Variants in PTPRD observed in about 807,000 individuals in gnomAD.
The protein encoded by PTPRD is protein tyrosine phosphatase receptor type D.
In PTPRD, 34 loss-of-function variants were observed where a neutral mutation model predicts 214.5. That is an observed-to-expected ratio of 0.16 (90% CI 0.12 to 0.21). PTPRD has a LOEUF of 0.21. PTPRD is among the 10% of genes least tolerant of loss of function. The pLI, the probability that PTPRD is intolerant of heterozygous loss-of-function variation, is 1.00. For missense variants in PTPRD, 2,545 were observed against 2,398.7 expected (o/e 1.06, Z -1.27); for synonymous variants, 1,128 against 845.7 (o/e 1.33, Z -5.79).
chr9:8,964,190 G>GTTTT (rs1334290420), intron 11 of PTPRD, among the ~76,000 whole-genome samples: 3,570 of 51,732 alleles, frequency 0.069, 621 homozygotes, highest in Middle Eastern at 0.095. Flanking sequence ...GTTCAGGGCT[G>GTTTT]TGTTTTTTTT....
chr9:9,050,134 A>T (rs537102759), intron 10 of PTPRD, among the ~76,000 whole-genome samples: 1 of 152,338 alleles, frequency 6.6e-6, no homozygotes, highest in South Asian at 2.1e-4. Context: ...CTTATCTCCA[A>T]AGGCTATAAA....
At chr9:9,319,200 C>G (rs1056509723) in intron 9 of PTPRD, among the ~76,000 whole-genome samples, 12 of 152,174 alleles carry the variant, frequency 7.9e-5, no homozygotes, top group African/African-American at 2.4e-4. Context: ...TGAATGCTGC[C>G]TTTCTTCCTT....
chr9:9,051,194 C>G (rs1272144117), intron 10 of PTPRD, among the ~76,000 whole-genome samples: 1 of 151,292 alleles, frequency 6.6e-6, no homozygotes, highest in African/African-American at 2.4e-5. Flanking sequence ...TCATGTACAC[C>G]ACAAATATTT....
At chr9:9,539,804 A>G (rs1472954587) in intron 8 of PTPRD, among the ~76,000 whole-genome samples, 1 of 151,890 alleles carries the variant, frequency 6.6e-6, no homozygotes. Context: ...ATTTCCAGTT[A>G]GCTAAACTCT....
At position 10,554,911 on chromosome 9, in the gene PTPRD, G is replaced by T. The variant is rs1024244321; in HGVS notation, c.-600+57487C>A. On this transcript the variant is annotated intron_variant, in intron 2 of 45. Transcript: ENST00000381196. ...TCCTGACCTCGTGATCCGCCCACCT[G>T]GGCCTCCCAAAGTGCTGGGATTACA... 2.0e-5 allele frequency among the ~76,000 whole-genome samples: 3 copies of T among 152,088 alleles called. No homozygotes were observed. The East Asian group carries it at 5.8e-4, about 30-fold the overall frequency.
intron 3 of PTPRD, among the ~76,000 whole-genome samples, chr9:10,280,177 C>T (rs1204207589): frequency 6.6e-6 from 1 of 151,952 alleles, no homozygotes; most frequent in African/African-American, 2.4e-5. Context: ...TTTTTGTTTA[C>T]CATTGTCTCC....
chr9:9,508,326 C>T (rs899093007), intron 8 of PTPRD, among the ~76,000 whole-genome samples: 5 of 151,408 alleles, frequency 3.3e-5, no homozygotes, highest in African/African-American at 1.2e-4. Flanking sequence ...CAGGAGGTAA[C>T]ACAATTCTTT....
At chr9:10,481,099 A>G (rs1231915019) in intron 2 of PTPRD, among the ~76,000 whole-genome samples, 5 of 151,700 alleles carry the variant, frequency 3.3e-5, no homozygotes, top group Non-Finnish European at 2.9e-5. Context: ...CCTGCTCAAG[A>G]AAAAAAAGGA....
intron 14 of PTPRD, among the ~76,000 whole-genome samples, chr9:8,535,843 T>C (rs1011986469): frequency 6.6e-6 from 1 of 151,978 alleles, no homozygotes; most frequent in Admixed American, 6.6e-5. Context: ...CCATTAATTG[T>C]TCAGCTCTGG....
intron 39 of PTPRD, among the ~76,000 whole-genome samples, chr9:8,375,349 A>T (rs1044585359): frequency 1.3e-5 from 2 of 152,024 alleles, no homozygotes; most frequent in Non-Finnish European, 2.9e-5. Flanking sequence ...AATACAACTT[A>T]TTACCTTTGA....
At chr9:9,114,498 G>A (rs2099810302) in intron 10 of PTPRD, among the ~76,000 whole-genome samples, 2 of 152,084 alleles carry the variant, frequency 1.3e-5, no homozygotes, top group Admixed American at 6.6e-5. Context: ...AGGGAGGTAA[G>A]CTGATTTCAT....
At chr9:8,352,493 G>A (rs979280933) in intron 39 of PTPRD, among the ~76,000 whole-genome samples, 1 of 152,136 alleles carries the variant, frequency 6.6e-6, no homozygotes, top group African/African-American at 2.4e-5. Context: ...CTTTTTGAAA[G>A]AGGAGACAAC....
At chr9:8,448,386 A>G (rs1267109079) in intron 34 of PTPRD, among the ~76,000 whole-genome samples, 1 of 152,162 alleles carries the variant, frequency 6.6e-6, no homozygotes, top group African/African-American at 2.4e-5. Flanking sequence ...TATAGGCTGA[A>G]GTAGTTAGTA....
intron 14 of PTPRD, among the ~76,000 whole-genome samples, chr9:8,575,511 T>C (rs966332434): frequency 4.6e-5 from 7 of 152,144 alleles, no homozygotes; most frequent in African/African-American, 1.7e-4. Flanking sequence ...CTAGTAAGTA[T>C]CCTTCGTTAC....
intron 9 of PTPRD, among the ~76,000 whole-genome samples, chr9:9,216,980 G>A (rs10816064): frequency 0.17 from 25,759 of 151,552 alleles, 2,440 homozygotes; most frequent in East Asian, 0.34. Flanking sequence ...TTAGTTCTGC[G>A]GGATTTTAAA....
chr9:9,511,018 A>G (rs935199018), intron 8 of PTPRD, among the ~76,000 whole-genome samples: 1 of 151,796 alleles, frequency 6.6e-6, no homozygotes, highest in African/African-American at 2.4e-5. Flanking sequence ...AATGAAGTCG[A>G]GCAAAATATC....
chr9:9,969,933 A>T (rs1032867428), intron 4 of PTPRD, among the ~76,000 whole-genome samples: 5 of 152,130 alleles, frequency 3.3e-5, no homozygotes, highest in Non-Finnish European at 7.4e-5. Context: ...CAGCTTGCTA[A>T]CTGCACTGTG....
rs929227697 is a variant in PTPRD at position 8,667,810 on chromosome 9, G to A, written c.65-30966C>T. On this transcript the variant is annotated intron_variant, in intron 12 of 45. Coordinates refer to ENST00000381196, the MANE Select transcript of PTPRD (RefSeq NM_002839.4). The stretch of plus-strand genomic sequence containing the variant: ...CAAAATCTGAAACACTTTTGGTCCC[G>A]ATCATTTCAGATAAGAAATACTCAA... Among the ~76,000 whole-genome samples the A allele has an allele frequency of 3.3e-5, 5 of 151,918 alleles. No homozygotes were observed. In the East Asian group the frequency reaches 7.7e-4, roughly 23 times the overall value.
Position 8,557,455 on chromosome 9 carries a change from T to TATATATATACATACACATAC in PTPRD, c.353-28677_353-28676insGTATGTGTATGTATATATAT. Reference sequence around the variant, plus strand: ...AAATACATATATATATATATATATATATTTGGGCCGGGCGCGGTGGCTCAT... The same window carrying TATATATATACATACACATAC: ...AAATACATATATATATATATATATATATATATATACATACACATACATTTGGGCCGGGCGCGGTGGCTCAT... On this transcript the variant is annotated intron_variant, in intron 14 of 45. Transcript: ENST00000381196. Among the ~76,000 whole-genome samples the TATATATATACATACACATAC allele has an allele frequency of 1.0e-4, 14 of 135,630 alleles. 1 individual carries two copies. The highest frequency in any genetic ancestry group is 2.4e-4 in the African/African-American group (7 of 28,796). 89.0% of individuals were successfully genotyped at this position (135,630 alleles called of 152,430 possible). A position where few individuals can be genotyped will look rare whatever the true frequency, so the allele number is the denominator to read the frequency against.
Sources: gnomAD v4.1 joint callset for allele counts (sites outside exome capture counted in the v4.1 genomes callset) on GRCh38, gnomAD v4.1.1 for gene constraint, MANE v1.5 for transcripts, NCBI Gene and HGNC (gene_info 2026-07-23, HGNC 2026-07-21) for gene names.